EMC7: variants seen among roughly 807,000 people sequenced by gnomAD.
EMC7 encodes ER membrane protein complex subunit 7.
Under a neutral mutation model 24.4 loss-of-function variants are expected in EMC7, and 4 were observed. That is an observed-to-expected ratio of 0.16 (90% CI 0.08 to 0.38). The LOEUF is 0.38. Among genes scored for constraint, EMC7 ranks in the 10% least tolerant of loss-of-function variants. The pLI is 1.00. For synonymous variants in EMC7, 106 were observed against 112.0 expected, an observed-to-expected ratio of 0.95 and a Z score of 0.34; for missense variants, 221 against 300.6, an observed-to-expected ratio of 0.74 and a Z score of 1.96.
intron 1 of EMC7, among the ~76,000 whole-genome samples, chr15:34,096,586 T>G (rs115879229): frequency 0.017 from 2,645 of 152,222 alleles, 71 homozygotes; most frequent in African/African-American, 0.061. Context: ...AGATGACAGG[T>G]GACAGAAACA....
intron 2 of EMC7, among the ~76,000 whole-genome samples, chr15:34,093,603 G>A (rs1000229375): frequency 6.0e-5 from 9 of 149,302 alleles, no homozygotes; most frequent in South Asian, 2.1e-4. Flanking sequence ...CTCTCATTCC[G>A]TCCAATATTG....
rs756436394 is a variant in EMC7 at position 34,101,789 on chromosome 15, T to TAGC, written c.48_50dup (p.Leu17dup). 48 of 1,612,134 alleles carry TAGC rather than the reference T, an allele frequency of 3.0e-5. No homozygotes were observed. The highest frequency in any genetic ancestry group is 3.3e-5 in the Admixed American group (2 of 59,892). On this transcript the variant is annotated inframe_insertion, in exon 1 of 5. Transcript: ENST00000256545. ...CCTCCGAGCTCTGGACATCCCCCGA[T>TAGC]AGCAGCAGCAGCAGCAGGACGGGAA...
chr15:34,098,568 G>T (rs1396592599), intron 1 of EMC7, among the ~76,000 whole-genome samples: 2 of 148,054 alleles, frequency 1.4e-5, no homozygotes, highest in Non-Finnish European at 3.0e-5. Flanking sequence ...TGATTCTCCC[G>T]CCTCAGCCTC....
chr15:34,098,157 C>T (rs575792576), intron 1 of EMC7, among the ~76,000 whole-genome samples: 3 of 152,146 alleles, frequency 2.0e-5, no homozygotes, highest in Non-Finnish European at 2.9e-5. Flanking sequence ...ATTTTCCCCC[C>T]AGACCTCTCA....
chr15:34,089,065 C>T (rs1900937018), intron 3 of EMC7, among the ~76,000 whole-genome samples: 1 of 152,070 alleles, frequency 6.6e-6, no homozygotes, highest in African/African-American at 2.4e-5. Context: ...ACCATGTTGG[C>T]CAGGCTGGTC....
At chr15:34,097,522 T>C (rs1901096277) in intron 1 of EMC7, among the ~76,000 whole-genome samples, 1 of 152,166 alleles carries the variant, frequency 6.6e-6, no homozygotes, top group Non-Finnish European at 1.5e-5. Context: ...CAAGAGCTGA[T>C]AATTTCATTT....
At chr15:34,097,857 T>C (rs1481149655) in intron 1 of EMC7, among the ~76,000 whole-genome samples, 2 of 151,602 alleles carry the variant, frequency 1.3e-5, no homozygotes, top group East Asian at 3.9e-4. Context: ...TAGTCCCAGC[T>C]ACTCAGGAGG....
At chr15:34,092,162 G>A (rs1283900079) in intron 2 of EMC7, among the ~76,000 whole-genome samples, 1 of 151,756 alleles carries the variant, frequency 6.6e-6, no homozygotes, top group Non-Finnish European at 1.5e-5. Flanking sequence ...CTACTTGGGA[G>A]GCTGAGGCAG....
chr15:34,096,516 C>A (rs541484615), intron 1 of EMC7, among the ~76,000 whole-genome samples: 1 of 152,212 alleles, frequency 6.6e-6, no homozygotes, highest in South Asian at 2.1e-4. Context: ...ATACCCAAGA[C>A]CACTCCAGGG....
chr15:34,087,735 C>T (rs924947340), intron 4 of EMC7, among the ~76,000 whole-genome samples: 8 of 152,132 alleles, frequency 5.3e-5, no homozygotes, highest in South Asian at 2.1e-4. Context: ...TAATTAAAAG[C>T]CATAAACATG....
intron 2 of EMC7, among the ~76,000 whole-genome samples, chr15:34,093,806 C>CACACACACACATATATATATATAT (rs61440619): frequency 6.0e-4 from 18 of 30,222 alleles, no homozygotes; most frequent in South Asian, 2.0e-3. Flanking sequence ...CACACACACA[C>CACACACACACATATATATATATAT]ATATATATAT....
At chr15:34,100,312 G>C (rs1344079512) in intron 1 of EMC7, among the ~76,000 whole-genome samples, 2 of 152,202 alleles carry the variant, frequency 1.3e-5, no homozygotes, top group African/African-American at 4.8e-5. Flanking sequence ...CTGCACTCCA[G>C]GCTGAGTAAC....
chr15:34,084,630 C>A, intron 4 of EMC7, 144 bp from the exon 5 acceptor site: 1 of 758,702 alleles, frequency 1.3e-6, no homozygotes. Flanking sequence ...CTCAGTAGTA[C>A]TTCACCTATA....
intron 1 of EMC7, 133 bp from the exon 2 acceptor site, chr15:34,096,147 C>T (rs1901062044): frequency 4.8e-6 from 5 of 1,036,446 alleles, no homozygotes; most frequent in Non-Finnish European, 6.6e-6. Context: ...AAAACCTTGG[C>T]GAAAGTTGTC....
intron 1 of EMC7, among the ~76,000 whole-genome samples, chr15:34,098,605 G>A (rs1041404328): frequency 4.0e-5 from 6 of 149,576 alleles, no homozygotes; most frequent in African/African-American, 9.9e-5. Flanking sequence ...ACAGACTACC[G>A]CCAGTATGCC....
chr15:34,100,886 GT>G (rs1901162269), intron 1 of EMC7: 1 of 151,398 alleles, frequency 6.6e-6, no homozygotes, highest in African/African-American at 2.4e-5. Flanking sequence ...AATTCATCCT[GT>G]CTTTTAATAT....
At chr15:34,097,252 C>G (rs1157336747) in intron 1 of EMC7, among the ~76,000 whole-genome samples, 1 of 152,058 alleles carries the variant, frequency 6.6e-6, no homozygotes, top group Non-Finnish European at 1.5e-5. Flanking sequence ...CCAGAATGGT[C>G]TCAATCTCCT....
At chr15:34,096,540 T>C (rs559593421) in intron 1 of EMC7, among the ~76,000 whole-genome samples, 1 of 152,294 alleles carries the variant, frequency 6.6e-6, no homozygotes, top group East Asian at 1.9e-4. Flanking sequence ...CAGAGAAGCC[T>C]GACATAGAAA....
At chr15:34,096,978 A>C (rs114923664) in intron 1 of EMC7, among the ~76,000 whole-genome samples, 3,609 of 149,942 alleles carry the variant, frequency 0.024, 157 homozygotes, top group African/African-American at 0.076. Context: ...TCTCCAACAA[A>C]AAAAAAAAAA....
Sources: allele counts gnomAD v4.1 joint callset (sites outside exome capture counted in the v4.1 genomes callset), GRCh38; gene constraint gnomAD v4.1.1; transcripts MANE v1.5; gene names NCBI Gene and HGNC (gene_info 2026-07-23, HGNC 2026-07-21).